Variants in CFAP70 observed in about 807,000 individuals in gnomAD.
CFAP70 encodes cilia and flagella associated protein 70.
Under a neutral mutation model 137.6 loss-of-function variants are expected in CFAP70, and 81 were observed. That is an observed-to-expected ratio of 0.59 (90% CI 0.49 to 0.71). CFAP70 has a LOEUF of 0.71. Among genes scored for constraint, CFAP70 ranks in the 30% least tolerant of loss-of-function variants. CFAP70 has a pLI of 0.00. For missense variants in CFAP70, 976 were observed against 1,226.7 expected (o/e 0.80, Z 3.05); for synonymous variants, 382 against 423.6 (o/e 0.90, Z 1.20).
At chr10:73,349,742 T>C (rs1241688000) in intron 3 of CFAP70, among the ~76,000 whole-genome samples, 1 of 152,216 alleles carries the variant, frequency 6.6e-6, no homozygotes, top group African/African-American at 2.4e-5. Flanking sequence ...CAAAGTAGAA[T>C]AGTATAACAA....
chr10:73,276,786 T>TG (rs2046783965), intron 21 of CFAP70: 1 of 152,372 alleles, frequency 6.6e-6, no homozygotes, highest in African/African-American at 2.4e-5. Context: ...TGTGACTGCA[T>TG]GGGTAAGTCA....
chr10:73,337,616 T>C (rs1299799734), intron 6 of CFAP70, among the ~76,000 whole-genome samples: 2 of 151,578 alleles, frequency 1.3e-5, no homozygotes, highest in Non-Finnish European at 2.9e-5. Context: ...AGAAAAGAAC[T>C]TTTATCTGCT....
intron 6 of CFAP70, among the ~76,000 whole-genome samples, chr10:73,337,822 C>T (rs980660597): frequency 6.6e-6 from 1 of 152,030 alleles, no homozygotes; most frequent in South Asian, 2.1e-4. Flanking sequence ...AGGAGAATCA[C>T]TTGAACCCAG....
At chr10:73,273,808 T>A (rs1254024038) in intron 23 of CFAP70, among the ~76,000 whole-genome samples, 1 of 152,144 alleles carries the variant, frequency 6.6e-6, no homozygotes, top group Non-Finnish European at 1.5e-5. Flanking sequence ...AAAAATAGAA[T>A]AAAGTCAAAA....
At position 73,256,856 on chromosome 10, in the gene CFAP70, T is replaced by A. The variant is rs1046905331; in HGVS notation, c.3028-440A>T. 3.9e-5 allele frequency among the ~76,000 whole-genome samples: 5 copies of A among 129,792 alleles called. No homozygotes were observed. The Admixed American group carries it at 4.8e-4, about 12-fold the overall frequency. 85.1% of individuals were successfully genotyped at this position (129,792 alleles called of 152,430 possible). A position where few individuals can be genotyped will look rare whatever the true frequency, so the allele number is the denominator to read the frequency against. On this transcript the variant is annotated intron_variant, in intron 25 of 26. Transcript: ENST00000310715. ...AGGCAGAGGTTGCAGTGAGCCGACA[T>A]CATGCCACTGCACTCCATCCTGGGC... is the stretch of plus-strand genomic sequence containing the variant.
chr10:73,321,549 G>C (rs780044433), intron 9 of CFAP70, among the ~76,000 whole-genome samples: 1 of 152,010 alleles, frequency 6.6e-6, no homozygotes, highest in Non-Finnish European at 1.5e-5. Context: ...AAAAATAGCT[G>C]TCCTAATAAC....
chr10:73,318,984 T>TTCTA lies in CFAP70; in HGVS notation c.912+3978_912+3979insTAGA, dbSNP rs1261465295. Among the ~76,000 whole-genome samples the TTCTA allele has an allele frequency of 6.6e-5, 10 of 152,336 alleles. No homozygotes were observed. The East Asian group carries it at 1.9e-3, about 29-fold the overall frequency. On this transcript the variant is annotated intron_variant, in intron 9 of 26. Coordinates refer to ENST00000310715, the Ensembl canonical transcript of CFAP70. Reference sequence around the variant, plus strand: ...CTGAGATGGAGCAAGGATCCTCTTTTTAGAGGCCTGTGCTCCCCAGACATG... The same window carrying TTCTA: ...CTGAGATGGAGCAAGGATCCTCTTTTTCTATAGAGGCCTGTGCTCCCCAGACATG...
intron 16 of CFAP70, among the ~76,000 whole-genome samples, chr10:73,292,366 T>C (rs2048241577): frequency 1.3e-5 from 2 of 152,230 alleles, no homozygotes; most frequent in African/African-American, 2.4e-5. Context: ...ATGGCAAATA[T>C]AAGTTTATCT....
At chr10:73,357,050 T>C (rs1450203593) in intron 1 of CFAP70, among the ~76,000 whole-genome samples, 2 of 152,134 alleles carry the variant, frequency 1.3e-5, no homozygotes, top group Non-Finnish European at 2.9e-5. Context: ...ACAGGTGCTC[T>C]GACAGAGGAA....
At chr10:73,323,999 A>G (rs566673676) in intron 8 of CFAP70, among the ~76,000 whole-genome samples, 38 of 152,334 alleles carry the variant, frequency 2.5e-4, no homozygotes, top group African/African-American at 8.7e-4. Context: ...CCCAGCACGC[A>G]GCTGGAGATC....
At chr10:73,329,507 T>TAAAC (rs373017572) in intron 8 of CFAP70, among the ~76,000 whole-genome samples, 8 of 151,584 alleles carry the variant, frequency 5.3e-5, no homozygotes, top group African/African-American at 1.7e-4. Flanking sequence ...AAAATAAACA[T>TAAAC]AAACAAACAA....
chr10:73,308,733 A>T (rs767966942), intron 12 of CFAP70, among the ~76,000 whole-genome samples: 3 of 151,786 alleles, frequency 2.0e-5, no homozygotes, highest in Non-Finnish European at 4.4e-5. Context: ...AGAAAATAAG[A>T]ATATTAAATA....
rs2054874913 is a variant in CFAP70 at position 73,358,758 on chromosome 10, T to G, written c.-84A>C. ...GTTTTTGACAACTATAGCAACCAAC[T>G]ACCTCTCGCGAGAACTTACTTTTGG... On this transcript the variant is annotated 5_prime_UTR_variant, in exon 1 of 27. Coordinates refer to ENST00000310715, the Ensembl canonical transcript of CFAP70. The G allele has an allele frequency of 6.6e-6, 1 of 152,428 alleles. No individual in the cohort carries two copies. Among genetic ancestry groups the G allele is most frequent in the Non-Finnish European group, 1.5e-5 (1 of 68,066 alleles). The allele number at this position is 152,428 out of a possible 1,614,324, so 9.4% of individuals were successfully genotyped here.
intron 10 of CFAP70, 38 bp from the exon 12 acceptor site, chr10:73,311,952 T>C: frequency 1.4e-6 from 2 of 1,451,452 alleles, no homozygotes; most frequent in South Asian, 1.1e-5. Context: ...ATTGAATTCC[T>C]ACACAGTCTT....
At chr10:73,253,778 T>A (rs1564729496), downstream of CFAP70, 1 of 474,152 alleles carries the variant, frequency 2.1e-6, no homozygotes, top group Non-Finnish European at 3.8e-6. Context: ...GTTTCATATC[T>A]CCATTTTTTT....
At chr10:73,342,375 A>C (rs2053325268) in intron 5 of CFAP70, among the ~76,000 whole-genome samples, 1 of 140,806 alleles carries the variant, frequency 7.1e-6, no homozygotes, top group Non-Finnish European at 1.5e-5. Context: ...CCATCTCTAC[A>C]AAAAAAAAAA....
intron 12 of CFAP70, among the ~76,000 whole-genome samples, chr10:73,309,657 A>AGTTTTTTTTTTTTT: frequency 7.6e-6 from 1 of 131,104 alleles, no homozygotes; most frequent in South Asian, 2.9e-4. Flanking sequence ...ATTTCCTAAG[A>AGTTTTTTTTTTTTT]ATTTTTTTTT....
chr10:73,314,703 G>A (rs1385621898), intron 9 of CFAP70, among the ~76,000 whole-genome samples: 1 of 152,182 alleles, frequency 6.6e-6, no homozygotes, highest in East Asian at 1.9e-4. Context: ...TACCTTCTGG[G>A]CTCAAGCCAT....
Position 73,321,517 on chromosome 10 carries a change from G to A in CFAP70, c.912+1446C>T, listed in dbSNP as rs542651684. On this transcript the variant is annotated intron_variant, in intron 9 of 26. Coordinates refer to ENST00000310715, the Ensembl canonical transcript of CFAP70. ...CAGTTAGTGTACAACTAGATGATGGGGTTTTCATAAATTTATTACTGAAAA... is the reference window on the plus strand; with the variant it reads ...CAGTTAGTGTACAACTAGATGATGGAGTTTTCATAAATTTATTACTGAAAA... Among the ~76,000 whole-genome samples the A allele has an allele frequency of 1.8e-4, 28 of 152,060 alleles. No individual in the cohort carries two copies. In the South Asian group the frequency reaches 5.8e-3, roughly 32 times the overall value.
Sources: gnomAD v4.1 joint callset for allele counts (sites outside exome capture counted in the v4.1 genomes callset) on GRCh38, gnomAD v4.1.1 for gene constraint, MANE v1.5 for transcripts, NCBI Gene and HGNC (gene_info 2026-07-23, HGNC 2026-07-21) for gene names.